The following GALNT17 variants were observed in gnomAD, a reference collection of about 807,000 sequenced individuals.
The protein encoded by GALNT17 is polypeptide N-acetylgalactosaminyltransferase 17, also known as UDP-GalNAc:polypeptide N-acetylgalactosaminyltransferase-like 3.
GALNT17 carries 29 observed loss-of-function variants against 63.7 expected under a neutral mutation model. That is an observed-to-expected ratio of 0.46 (90% CI 0.34 to 0.62). GALNT17 has a LOEUF of 0.62. Among genes scored for constraint, GALNT17 ranks in the 20% least tolerant of loss-of-function variants. GALNT17 has a pLI of 0.01. For missense variants in GALNT17, 603 were observed against 799.6 expected, an observed-to-expected ratio of 0.75 and a Z score of 2.97; for synonymous variants, 305 against 318.3, an observed-to-expected ratio of 0.96 and a Z score of 0.45.
At chr7:71,311,161 G>A (rs1791408012) in intron 1 of GALNT17, among the ~76,000 whole-genome samples, 1 of 152,194 alleles carries the variant, frequency 6.6e-6, no homozygotes, top group Non-Finnish European at 1.5e-5. Context: ...TGGAGCCTGG[G>A]CTTGCTATTT....
At chr7:71,503,724 T>C (rs1478461925) in intron 5 of GALNT17, among the ~76,000 whole-genome samples, 2 of 152,196 alleles carry the variant, frequency 1.3e-5, no homozygotes, top group African/African-American at 4.8e-5. Context: ...ACCCAGTGTT[T>C]TAGTGAGACA....
chr7:71,163,216 T>TG (rs1249113419), intron 1 of GALNT17, among the ~76,000 whole-genome samples: 3 of 152,204 alleles, frequency 2.0e-5, no homozygotes, highest in Admixed American at 2.0e-4. Context: ...AGGGAAGACT[T>TG]GCAGGGGAAC....
chr7:71,669,705 G>A (rs547671186), intron 7 of GALNT17, among the ~76,000 whole-genome samples: 135 of 151,880 alleles, frequency 8.9e-4, no homozygotes, highest in Admixed American at 1.8e-3. Context: ...GAGATTACAG[G>A]TGCCCACCAC....
chr7:71,276,062 T>C (rs1790675870), intron 1 of GALNT17, among the ~76,000 whole-genome samples: 1 of 152,210 alleles, frequency 6.6e-6, no homozygotes, highest in Non-Finnish European at 1.5e-5. Flanking sequence ...TTGTCCCTGG[T>C]CTTCCTTGTC....
intron 5 of GALNT17, among the ~76,000 whole-genome samples, chr7:71,497,456 T>G (rs755016696): frequency 3.9e-5 from 6 of 152,240 alleles, no homozygotes; most frequent in Non-Finnish European, 8.8e-5. Context: ...TGGGTGTGTC[T>G]CTGTCCATTT....
intron 1 of GALNT17, among the ~76,000 whole-genome samples, chr7:71,318,738 C>T (rs1011057195): frequency 1.2e-4 from 19 of 152,090 alleles, no homozygotes; most frequent in African/African-American, 4.6e-4. Flanking sequence ...CCCTGCAGCT[C>T]TTTGGAGATG....
At chr7:71,393,443 G>A (rs1196416434) in intron 3 of GALNT17, among the ~76,000 whole-genome samples, 1 of 152,086 alleles carries the variant, frequency 6.6e-6, no homozygotes, top group Non-Finnish European at 1.5e-5. Flanking sequence ...CTGCTCATTC[G>A]CCCATGCCCT....
intron 6 of GALNT17, among the ~76,000 whole-genome samples, chr7:71,581,498 A>G (rs1789634872): frequency 6.6e-6 from 1 of 152,070 alleles, no homozygotes; most frequent in African/African-American, 2.4e-5. Flanking sequence ...CTCACTCACT[A>G]TCATAAGAAC....
At chr7:71,705,167 TAAG>T (rs1791705524) in intron 9 of GALNT17, among the ~76,000 whole-genome samples, 1 of 152,036 alleles carries the variant, frequency 6.6e-6, no homozygotes, top group Non-Finnish European at 1.5e-5. Flanking sequence ...AACTCAAAAA[TAAG>T]AAGACAAATA....
intron 3 of GALNT17, among the ~76,000 whole-genome samples, chr7:71,389,730 C>T (rs866386163): frequency 2.0e-5 from 3 of 152,048 alleles, no homozygotes; most frequent in African/African-American, 4.8e-5. Flanking sequence ...CTCCAAAAAG[C>T]GAAATAAAAA....
intron 5 of GALNT17, among the ~76,000 whole-genome samples, chr7:71,504,085 G>T (rs62459901): frequency 1.3e-5 from 2 of 152,022 alleles, no homozygotes; most frequent in East Asian, 1.9e-4. Context: ...AAAATTATCC[G>T]GGCATGGTGG....
chr7:71,504,736 C>G (rs1467107167), intron 5 of GALNT17, among the ~76,000 whole-genome samples: 1 of 152,068 alleles, frequency 6.6e-6, no homozygotes, highest in African/African-American at 2.4e-5. Flanking sequence ...ATTTTTCAGT[C>G]TTTCAGTTTA....
chr7:71,227,124 A>T (rs992589080), intron 1 of GALNT17, among the ~76,000 whole-genome samples: 4 of 138,328 alleles, frequency 2.9e-5, no homozygotes, highest in Admixed American at 2.5e-4. Context: ...GATGGCTTGA[A>T]CCCAGGAGTT....
rs571756284 is a variant in GALNT17 at position 71,198,643 on chromosome 7, C to T, written c.238+65603C>T. 5.9e-5 allele frequency among the ~76,000 whole-genome samples: 9 copies of T among 152,320 alleles called. No individual in the cohort carries two copies. In the East Asian group the frequency reaches 1.5e-3, roughly 26 times the overall value. On this transcript the variant is annotated intron_variant, in intron 1 of 10. Transcript: ENST00000333538. ...GAATGAAGAACCTCCTAATTAACGA[C>T]GCTATAGCTTGGGAAGATAGGTACT...
intron 1 of GALNT17, among the ~76,000 whole-genome samples, chr7:71,219,472 C>G (rs1458168321): frequency 6.6e-6 from 1 of 152,142 alleles, no homozygotes; most frequent in Non-Finnish European, 1.5e-5. Flanking sequence ...CTCAGTTGAT[C>G]ACTTGCTTTT....
intron 6 of GALNT17, among the ~76,000 whole-genome samples, chr7:71,617,354 T>C (rs1333141365): frequency 7.0e-6 from 1 of 143,110 alleles, no homozygotes; most frequent in East Asian, 2.0e-4. Context: ...TGAGACGGAG[T>C]CTCTGTCACC....
intron 5 of GALNT17, among the ~76,000 whole-genome samples, chr7:71,548,055 C>G (rs569109817): frequency 6.6e-6 from 1 of 151,862 alleles, no homozygotes; most frequent in Non-Finnish European, 1.5e-5. Flanking sequence ...TGGTGAAACC[C>G]TGTCTTTACC....
chr7:71,601,173 T>C (rs1379454411), intron 6 of GALNT17, among the ~76,000 whole-genome samples: 1 of 152,078 alleles, frequency 6.6e-6, no homozygotes, highest in Non-Finnish European at 1.5e-5. Flanking sequence ...AGTTTCTTTA[T>C]CCACTCGTTG....
intron 5 of GALNT17, among the ~76,000 whole-genome samples, chr7:71,538,198 A>T (rs1256597970): frequency 6.6e-6 from 1 of 152,218 alleles, no homozygotes; most frequent in African/African-American, 2.4e-5. Flanking sequence ...TCGAGTGGTT[A>T]AAGATATTTA....
Sources: gnomAD v4.1 joint callset for allele counts (sites outside exome capture counted in the v4.1 genomes callset) on GRCh38, gnomAD v4.1.1 for gene constraint, MANE v1.5 for transcripts, NCBI Gene and HGNC (gene_info 2026-07-23, HGNC 2026-07-21) for gene names.